The following OLFM3 variants were observed in gnomAD, a reference collection of about 807,000 sequenced individuals.
OLFM3 encodes the protein olfactomedin 3.
Under a neutral mutation model 48.6 loss-of-function variants are expected in OLFM3, and 20 were observed. The ratio of observed to expected loss-of-function variants is 0.41; its 90% CI spans 0.29 to 0.60. OLFM3 has a LOEUF of 0.60. Ranked by LOEUF, OLFM3 falls within the 20% of genes least tolerant of loss-of-function variation. The pLI is 0.28. For missense variants in OLFM3, 437 were observed against 544.3 expected (o/e 0.80, Z 1.96); for synonymous variants, 222 against 198.1 (o/e 1.12, Z -1.01).
intron 4 of OLFM3, among the ~76,000 whole-genome samples, chr1:101,817,105 T>G (rs1355250482): frequency 3.9e-5 from 6 of 152,082 alleles, no homozygotes; most frequent in African/African-American, 1.4e-4. Flanking sequence ...ACAATAAGAG[T>G]CATTTTTTAC....
At chr1:101,980,364 A>C (rs897297629) in intron 1 of OLFM3, among the ~76,000 whole-genome samples, 3 of 152,076 alleles carry the variant, frequency 2.0e-5, no homozygotes, top group Non-Finnish European at 4.4e-5. Context: ...TAATCCCCAT[A>C]ATCTCCATGT....
chr1:101,805,053 G>A (rs1363724288), intron 5 of OLFM3, 138 bp from the exon 6 acceptor site: 12 of 650,520 alleles, frequency 1.8e-5, no homozygotes, highest in East Asian at 8.2e-5. Flanking sequence ...CTGACCTGCC[G>A]CAATGTATTT....
intron 1 of OLFM3, among the ~76,000 whole-genome samples, chr1:101,992,189 C>A (rs1461930064): frequency 6.6e-6 from 1 of 152,104 alleles, no homozygotes; most frequent in African/African-American, 2.4e-5. Flanking sequence ...AACAGAGCAT[C>A]AATCATCACA....
rs537295746 is a variant in OLFM3 at position 101,837,087 on chromosome 1, G to A, written c.70-62C>T. ...CTGTTATAGGATAAAAAGAGTGTTG[G>A]TTTGTAGCATTTCAAGTAAAACACT... On this transcript the variant is annotated intron_variant, in intron 1 of 5. Coordinates refer to ENST00000370103, the MANE Select transcript of OLFM3 (RefSeq NM_058170.4). The A allele has an allele frequency of 1.5e-3, 2,263 of 1,487,916 alleles. 4 individuals carry two copies. The highest frequency in any genetic ancestry group is 2.2e-3 in the Admixed American group (100 of 46,372). 92.2% of individuals were successfully genotyped at this position (1,487,916 alleles called of 1,614,324 possible).
chr1:101,906,693 A>G (rs951599819), intron 1 of OLFM3, among the ~76,000 whole-genome samples: 1 of 152,214 alleles, frequency 6.6e-6, no homozygotes, highest in African/African-American at 2.4e-5. Flanking sequence ...GGCAGTCTGT[A>G]GATGAAGATT....
At chr1:101,990,989 T>TAAAAAAAAA (rs58481588) in intron 1 of OLFM3, among the ~76,000 whole-genome samples, 16 of 8,904 alleles carry the variant, frequency 1.8e-3, no homozygotes, top group Non-Finnish European at 3.0e-3. Context: ...TGTCAAAAAG[T>TAAAAAAAAA]AAAAAAAAAA....
chr1:101,970,042 A>G (rs996333696), intron 1 of OLFM3, among the ~76,000 whole-genome samples: 14 of 151,278 alleles, frequency 9.3e-5, no homozygotes, highest in African/African-American at 3.4e-4. Flanking sequence ...TTGAGATGGA[A>G]TCTTGCTGTG....
chr1:101,952,102 G>A (rs554816020), intron 1 of OLFM3, among the ~76,000 whole-genome samples: 2 of 152,104 alleles, frequency 1.3e-5, no homozygotes, highest in South Asian at 2.1e-4. Context: ...TTTATTAACT[G>A]TACCCTGGCT....
chr1:101,911,146 GTACCCTTTGAACAAAATGGA>G (rs1658747825), intron 1 of OLFM3, among the ~76,000 whole-genome samples: 2 of 152,056 alleles, frequency 1.3e-5, no homozygotes, highest in South Asian at 4.1e-4. Flanking sequence ...GAGCTCAGTG[GTACCCTTTGAACAAAATGGA>G]AGCAAATATC....
intron 4 of OLFM3, among the ~76,000 whole-genome samples, chr1:101,807,799 A>G (rs1653851574): frequency 6.6e-6 from 1 of 151,802 alleles, no homozygotes. Context: ...AATCAGTAAA[A>G]CTGGACCAAT....
intron 1 of OLFM3, among the ~76,000 whole-genome samples, chr1:101,894,285 G>A (rs17125670): frequency 0.014 from 2,105 of 152,216 alleles, 46 homozygotes; most frequent in African/African-American, 0.047. Flanking sequence ...TTGGTTTCCA[G>A]AGTAAGTTAA....
At chr1:101,922,045 C>A (rs919464328) in intron 1 of OLFM3, among the ~76,000 whole-genome samples, 1 of 151,620 alleles carries the variant, frequency 6.6e-6, no homozygotes. Flanking sequence ...GGTAATAGAG[C>A]GAGACTCCAT....
chr1:101,972,888 A>G (rs1007152167), intron 1 of OLFM3, among the ~76,000 whole-genome samples: 1 of 152,180 alleles, frequency 6.6e-6, no homozygotes, highest in Non-Finnish European at 1.5e-5. Context: ...ATCAGTCTCA[A>G]TTCCTTCCAC....
intron 1 of OLFM3, among the ~76,000 whole-genome samples, chr1:101,987,538 G>T (rs1198693617): frequency 6.6e-6 from 1 of 152,000 alleles, no homozygotes; most frequent in South Asian, 2.1e-4. Context: ...ATGACTGTTG[G>T]TCCTGATTCC....
intron 1 of OLFM3, among the ~76,000 whole-genome samples, chr1:101,874,726 G>A (rs1258956640): frequency 6.6e-6 from 1 of 151,866 alleles, no homozygotes; most frequent in Non-Finnish European, 1.5e-5. Flanking sequence ...TTTATCTCAA[G>A]TGTTAGATCT....
At chr1:101,884,789 G>A (rs75927702) in intron 1 of OLFM3, among the ~76,000 whole-genome samples, 4 of 152,066 alleles carry the variant, frequency 2.6e-5, no homozygotes, top group South Asian at 4.1e-4. Flanking sequence ...GTTAGTAAGG[G>A]CTTGCCTTTT....
chr1:101,898,283 C>G (rs777854413), intron 1 of OLFM3, among the ~76,000 whole-genome samples: 11 of 152,066 alleles, frequency 7.2e-5, no homozygotes, highest in Non-Finnish European at 1.5e-4. Context: ...TTTGACTGAT[C>G]AGGAAACTGT....
chr1:101,841,390 T>C (rs935343942), intron 1 of OLFM3, among the ~76,000 whole-genome samples: 1 of 152,240 alleles, frequency 6.6e-6, no homozygotes, highest in Non-Finnish European at 1.5e-5. Context: ...ATAGGACTTA[T>C]ACCAGCTTTC....
intron 1 of OLFM3, among the ~76,000 whole-genome samples, chr1:101,956,065 C>G (rs997527382): frequency 1.0e-4 from 15 of 143,530 alleles, no homozygotes; most frequent in African/African-American, 4.0e-4. Flanking sequence ...TCTGTCATAT[C>G]TCAATTCAAC....
Sources: gnomAD v4.1 joint callset for allele counts (sites outside exome capture counted in the v4.1 genomes callset) on GRCh38, gnomAD v4.1.1 for gene constraint, MANE v1.5 for transcripts, NCBI Gene and HGNC (gene_info 2026-07-23, HGNC 2026-07-21) for gene names.